Variants in CAMKK1 observed in about 807,000 individuals in gnomAD.
CAMKK1 encodes the protein calcium/calmodulin dependent protein kinase kinase 1.
Under a neutral mutation model 63.5 loss-of-function variants are expected in CAMKK1, and 20 were observed. The ratio of observed to expected loss-of-function variants is 0.32; its 90% CI spans 0.22 to 0.46. The LOEUF is 0.46. Ranked by LOEUF, CAMKK1 falls within the 20% of genes least tolerant of loss-of-function variation. The pLI, the probability that CAMKK1 is intolerant of heterozygous loss-of-function variation, is 1.00. For synonymous variants in CAMKK1, 253 were observed against 269.0 expected, an observed-to-expected ratio of 0.94 and a Z score of 0.58; for missense variants, 588 against 658.1, an observed-to-expected ratio of 0.89 and a Z score of 1.17.
chr17:3,885,722 G>A lies in CAMKK1; in HGVS notation c.-35C>T, dbSNP rs756991491. On this transcript the variant is annotated 5_prime_UTR_variant, in exon 2 of 16. Transcript: ENST00000348335. ...CAAGGGGGTTCTTCTGCGTAGCCTT[G>A]TTGGGAACCTGAGAAAAGAAGGCAG... The A allele has an allele frequency of 6.2e-7, 1 of 1,605,206 alleles. No homozygotes were observed. Among genetic ancestry groups the A allele is most frequent in the Non-Finnish European group, 8.5e-7 (1 of 1,178,152 alleles).
At position 3,882,700 on chromosome 17, in the gene CAMKK1, C is replaced by G. The variant is rs901727286; in HGVS notation, c.649-136G>C. 3 of 848,966 alleles carry G rather than the reference C, an allele frequency of 3.5e-6. No homozygotes were observed. Among genetic ancestry groups the G allele is most frequent in the Admixed American group, 2.3e-5 (1 of 43,330 alleles). The allele number at this position is 848,966 out of a possible 1,614,324, so 52.6% of individuals were successfully genotyped here. On this transcript the variant is annotated intron_variant, in intron 6 of 15. Transcript: ENST00000348335. The surrounding 1 kb of genome is among the most constrained non-coding windows in gnomAD (Gnocchi z 4.3). The stretch of plus-strand genomic sequence containing the variant: ...CCCAGACAAGGAAGCAGGAAGTGTA[C>G]AGGTGGTGCCAGACTGATGGGGCCT...
chr17:3,882,224 T>C lies in CAMKK1; in HGVS notation c.685+304A>G, dbSNP rs1567630713. 2 of 1,494,768 alleles carry C rather than the reference T, an allele frequency of 1.3e-6. No homozygotes were observed. Among genetic ancestry groups the C allele is most frequent in the Admixed American group, 1.7e-5 (1 of 57,678 alleles). The allele number at this position is 1,494,768 out of a possible 1,614,324, so 92.6% of individuals were successfully genotyped here. On this transcript the variant is annotated intron_variant, in intron 7 of 15. Transcript: ENST00000348335. The surrounding 1 kb of genome is among the most constrained non-coding windows in gnomAD (Gnocchi z 4.3). ...AACTGAGGCACAGAGCTACAGTGTC[T>C]GGGAACCCATGCAGCCTGCTTCCTG...
intron 14 of CAMKK1, among the ~76,000 whole-genome samples, chr17:3,867,821 C>T (rs994382792): frequency 1.3e-5 from 2 of 152,196 alleles, no homozygotes; most frequent in Admixed American, 6.5e-5. Flanking sequence ...AGGGGCAGGG[C>T]AGGGCTCTCA....
chr17:3,869,877 C>T lies in CAMKK1; in HGVS notation c.1136G>A (p.Ser379Asn), dbSNP rs371110577. The change falls in exon 13 of 16, where the codon AGC becomes AAC. Residue 379 changes from serine (S) to asparagine (N), a missense_variant. By Grantham distance (46) the Ser-to-Asn change is conservative (BLOSUM62 1). Transcript: ENST00000348335. Reference protein sequence around the residue: ...PVVFPEEPEISEELKDLILKM... With the variant: ...PVVFPEEPEINEELKDLILKM... ...CAGGATCAGGTCCTTGAGCTCCTCG[C>T]TGATTTCTGGCCTGGAGAGGGCGAA... 4.3e-6 allele frequency: 7 copies of T among 1,614,130 alleles called. No individual in the cohort carries two copies. The South Asian group carries it at 7.7e-5, about 18-fold the overall frequency.
intron 15 of CAMKK1, 27 bp downstream of exon 15, chr17:3,865,881 G>C (rs201722781): frequency 3.7e-6 from 6 of 1,613,480 alleles, no homozygotes; most frequent in Middle Eastern, 3.3e-4. Flanking sequence ...GGGAGTGCCC[G>C]GCAGTCCCTG....
intron 1 of CAMKK1, among the ~76,000 whole-genome samples, chr17:3,891,475 G>A (rs370082089): frequency 3.5e-4 from 53 of 152,324 alleles, no homozygotes; most frequent in African/African-American, 1.3e-3. Flanking sequence ...GGAAGGGGCA[G>A]TAGGCAGTGT....
chr17:3,863,584 A>T (rs1351348203), intron 15 of CAMKK1, among the ~76,000 whole-genome samples: 1 of 152,190 alleles, frequency 6.6e-6, no homozygotes, highest in Non-Finnish European at 1.5e-5. Context: ...TTCAAAGTTA[A>T]ACGTGGAGGC....
chr17:3,868,875 G>T (rs148093157), intron 14 of CAMKK1, among the ~76,000 whole-genome samples: 50 of 151,636 alleles, frequency 3.3e-4, no homozygotes, highest in Admixed American at 1.9e-3. Context: ...GGATGGTCTC[G>T]ATCTCCTGAC....
intron 10 of CAMKK1, among the ~76,000 whole-genome samples, chr17:3,875,468 G>T (rs1401880659): frequency 6.0e-5 from 9 of 149,344 alleles, no homozygotes; most frequent in South Asian, 4.2e-4. Flanking sequence ...TTTTTTTTTT[G>T]TAGAAATGGG....
chr17:3,884,904 T>C lies in CAMKK1; in HGVS notation c.360+424A>G, dbSNP rs779456164. On this transcript the variant is annotated intron_variant, in intron 2 of 15. Transcript: ENST00000348335. The surrounding 1 kb of genome is among the most constrained non-coding windows in gnomAD (Gnocchi z 4.5). ...TGGAACCTGAGTTCACTTTCAGACC[T>C]AAATGGCAAGAACTCCAGCAGAAGC... Among the ~76,000 whole-genome samples, 1 of 152,106 alleles carries C rather than the reference T, an allele frequency of 6.6e-6. No homozygotes were observed. The highest frequency in any genetic ancestry group is 1.5e-5 in the Non-Finnish European group (1 of 68,030).
chr17:3,877,896 C>G (rs1210281187), intron 9 of CAMKK1, among the ~76,000 whole-genome samples: 1 of 152,192 alleles, frequency 6.6e-6, no homozygotes, highest in Non-Finnish European at 1.5e-5. Flanking sequence ...ATATATGTCT[C>G]TGTATATCTG....
rs2055930692 is a variant in CAMKK1 at position 3,892,307 on chromosome 17, G to T, written c.-44+632C>A. 6.6e-6 allele frequency among the ~76,000 whole-genome samples: 1 copy of T among 151,074 alleles called. No homozygotes were observed. Among genetic ancestry groups the T allele is most frequent in the African/African-American group, 2.4e-5 (1 of 40,922 alleles). ...CACGCAGACACAGGCACACTCCCGC[G>T]TCCACGTGACACACGCACACCCGCC... On this transcript the variant is annotated intron_variant, in intron 1 of 15. Coordinates refer to ENST00000348335, the MANE Select transcript of CAMKK1 (RefSeq NM_032294.3). This position sits in a 1 kb window ranked among gnomAD's most constrained non-coding sequence, Gnocchi z 7.5.
intron 10 of CAMKK1, 105 bp from the exon 11 acceptor site, chr17:3,873,567 G>GCCCACCCAGC: frequency 9.1e-7 from 1 of 1,095,902 alleles, no homozygotes; most frequent in Non-Finnish European, 1.4e-6. Flanking sequence ...TCTTTCCTCT[G>GCCCACCCAGC]TCATGCACTC....
At chr17:3,871,110 AG>A (rs1211791820) in intron 12 of CAMKK1, among the ~76,000 whole-genome samples, 3 of 152,050 alleles carry the variant, frequency 2.0e-5, no homozygotes, top group African/African-American at 7.2e-5. Flanking sequence ...GCTGGACTGG[AG>A]GGAGGCCAGC....
At chr17:3,873,506 AC>A (rs1567621528) in intron 10 of CAMKK1, 44 bp from the exon 11 acceptor site, 1 of 1,593,872 alleles carries the variant, frequency 6.3e-7, no homozygotes, top group East Asian at 2.2e-5. Flanking sequence ...AGGCACAGCC[AC>A]CTCTGCCCAC....
chr17:3,884,334 C>A lies in CAMKK1; in HGVS notation c.408+46G>T, dbSNP rs762062516. 3 of 1,600,620 alleles carry A rather than the reference C, an allele frequency of 1.9e-6. No homozygotes were observed. In the Admixed American group the frequency reaches 5.0e-5, roughly 27 times the overall value. On this transcript the variant is annotated intron_variant, in intron 3 of 15. Transcript: ENST00000348335. This position sits in a 1 kb window ranked among gnomAD's most constrained non-coding sequence, Gnocchi z 4.5. ...ACACGAGAGAAGGAGCAGCGCCAAA[C>A]AGAGAATCCCGAAGCCCCCACTGCT... is the stretch of plus-strand genomic sequence containing the variant.
intron 9 of CAMKK1, among the ~76,000 whole-genome samples, chr17:3,877,136 T>G (rs899838317): frequency 6.6e-6 from 1 of 152,086 alleles, no homozygotes; most frequent in African/African-American, 2.4e-5. Flanking sequence ...ATCAAAACCT[T>G]TCTCCAGTTC....
chr17:3,869,791 G>A lies in CAMKK1; in HGVS notation c.1212+10C>T. 1 of 1,613,658 alleles carries A rather than the reference G, an allele frequency of 6.2e-7. No individual in the cohort carries two copies. Among genetic ancestry groups the A allele is most frequent in the South Asian group, 1.1e-5 (1 of 91,066 alleles). On this transcript the variant is annotated intron_variant, in intron 13 of 15. Coordinates refer to ENST00000348335, the MANE Select transcript of CAMKK1 (RefSeq NM_032294.3). ...GTCCCAGCCCAGCCCAAGACCCCCAGTTCCCCGACCTTGATGTCTGGCACC... is the reference window on the plus strand; with the variant it reads ...GTCCCAGCCCAGCCCAAGACCCCCAATTCCCCGACCTTGATGTCTGGCACC...
At chr17:3,877,165 G>T (rs1009712111) in intron 9 of CAMKK1, among the ~76,000 whole-genome samples, 3 of 152,130 alleles carry the variant, frequency 2.0e-5, no homozygotes, top group Non-Finnish European at 4.4e-5. Context: ...ACCCAGGCTA[G>T]GCAAAGATGT....
Sources: allele counts gnomAD v4.1 joint callset (sites outside exome capture counted in the v4.1 genomes callset), GRCh38; gene constraint gnomAD v4.1.1; non-coding constraint Gnocchi (gnomAD v3.1); transcripts MANE v1.5; gene names NCBI Gene and HGNC (gene_info 2026-07-23, HGNC 2026-07-21).